The following BLTP1 variants were observed in gnomAD, a reference collection of about 807,000 sequenced individuals.
BLTP1 encodes bridge-like lipid transfer protein family member 1, also known as fragile site-associated protein.
the BLTP1 span, chr4:122,238,260 G>C: frequency 3.7e-6 from 6 of 1,613,980 alleles, no homozygotes; most frequent in Non-Finnish European, 5.1e-6. Context: ...TTGTTGGCTG[G>C]TGAAAAGGAA....
the BLTP1 span, chr4:122,325,330 A>T: frequency 1.3e-6 from 2 of 1,597,196 alleles, no homozygotes; most frequent in Non-Finnish European, 1.7e-6. Flanking sequence ...AGTAAGAGAT[A>T]TATAATTTGT....
chr4:122,158,424 T>C, the BLTP1 span, among the ~76,000 whole-genome samples: 8 of 152,244 alleles, frequency 5.3e-5, no homozygotes, highest in South Asian at 1.5e-3. Context: ...TTTAGAGAGA[T>C]TGTAGTTAGC....
the BLTP1 span, chr4:122,334,624 C>G: frequency 4.4e-6 from 6 of 1,368,802 alleles, no homozygotes; most frequent in Non-Finnish European, 6.1e-6. Context: ...TTGAGACTTT[C>G]CAATGCACAT....
chr4:122,327,662 A>G, the BLTP1 span, among the ~76,000 whole-genome samples: 12 of 150,564 alleles, frequency 8.0e-5, no homozygotes, highest in East Asian at 2.3e-3. Flanking sequence ...TAAAAGATCC[A>G]CAAAAAGCAT....
chr4:122,274,703 G>A, the BLTP1 span: 6 of 887,822 alleles, frequency 6.8e-6, no homozygotes, highest in East Asian at 1.2e-4. Context: ...GATAATTTAG[G>A]TCAGATTTTC....
the BLTP1 span, among the ~76,000 whole-genome samples, chr4:122,175,540 A>T: frequency 6.6e-6 from 1 of 152,094 alleles, no homozygotes; most frequent in Admixed American, 6.5e-5. Context: ...TTAGCGCTTC[A>T]TTTTCCTGTG....
chr4:122,175,166 CA>C, the BLTP1 span: 3 of 984,574 alleles, frequency 3.0e-6, no homozygotes, highest in Non-Finnish European at 3.6e-6. Context: ...TGATTTTCTT[CA>C]AATTTGTGAC....
At chr4:122,351,952 G>A in the BLTP1 span, among the ~76,000 whole-genome samples, 3 of 152,146 alleles carry the variant, frequency 2.0e-5, no homozygotes, top group East Asian at 3.9e-4. Flanking sequence ...GAAAATAAAC[G>A]TTGTATGTTT....
the BLTP1 span, chr4:122,170,534 T>G: frequency 2.2e-6 from 3 of 1,377,674 alleles, no homozygotes; most frequent in Non-Finnish European, 2.8e-6. Flanking sequence ...GTTTATTAAA[T>G]TCACCCTTTT....
the BLTP1 span, chr4:122,333,762 A>G: frequency 6.8e-6 from 11 of 1,611,508 alleles, no homozygotes; most frequent in Non-Finnish European, 8.5e-6. Flanking sequence ...GACAAAGCCT[A>G]GTGACTTAGA....
the BLTP1 span, among the ~76,000 whole-genome samples, chr4:122,217,567 C>T: frequency 6.6e-6 from 1 of 152,070 alleles, no homozygotes; most frequent in African/African-American, 2.4e-5. Context: ...GTGTGAAACC[C>T]ACTTGATCAT....
the BLTP1 span, chr4:122,248,167 G>A: frequency 2.1e-6 from 2 of 952,492 alleles, no homozygotes; most frequent in Non-Finnish European, 1.3e-6. Flanking sequence ...TTTGACCTGA[G>A]GTTTTCAAGG....
At chr4:122,311,246 A>G in the BLTP1 span, among the ~76,000 whole-genome samples, 1 of 152,192 alleles carries the variant, frequency 6.6e-6, no homozygotes, top group Non-Finnish European at 1.5e-5. Flanking sequence ...GCACCTCAGT[A>G]TATATTCTGT....
At chr4:122,224,108 CT>C in the BLTP1 span, 6 of 981,232 alleles carry the variant, frequency 6.1e-6, no homozygotes, top group Non-Finnish European at 7.3e-6. Flanking sequence ...GGTCTGAGTT[CT>C]TCAATGTTGT....
chr4:122,316,694 T>C, the BLTP1 span: 3 of 1,585,044 alleles, frequency 1.9e-6, no homozygotes, highest in Admixed American at 5.3e-5. Context: ...CTGTGTGACT[T>C]GAGGGTGGTA....
At chr4:122,199,612 G>A in the BLTP1 span, among the ~76,000 whole-genome samples, 1 of 152,162 alleles carries the variant, frequency 6.6e-6, no homozygotes, top group Non-Finnish European at 1.5e-5. Flanking sequence ...ATGGACTCCT[G>A]TTGGCATCTC....
chr4:122,155,576 G>A, the BLTP1 span, among the ~76,000 whole-genome samples: 1 of 152,036 alleles, frequency 6.6e-6, no homozygotes, highest in Admixed American at 6.6e-5. Flanking sequence ...CACCCGCCTC[G>A]GCTTCCCTAA....
chr4:122,257,434 C>T, the BLTP1 span: 13 of 1,613,994 alleles, frequency 8.1e-6, no homozygotes, highest in African/African-American at 4.0e-5. Flanking sequence ...TTGGATTGGA[C>T]AATGGGGGTG....
chr4:122,251,687 C>A, the BLTP1 span: 1 of 799,248 alleles, frequency 1.3e-6, no homozygotes, highest in Non-Finnish European at 1.5e-6. Flanking sequence ...ACTCTTCTTG[C>A]TGAAAGCCCT....
Sources: gnomAD v4.1 joint callset for allele counts (sites outside exome capture counted in the v4.1 genomes callset) on GRCh38, gnomAD v4.1.1 for gene constraint, MANE v1.5 for transcripts, NCBI Gene and HGNC (gene_info 2026-07-23, HGNC 2026-07-21) for gene names.